The following TRPM3 variants were observed in gnomAD, a reference collection of about 807,000 sequenced individuals.
TRPM3 encodes long transient receptor potential channel 3.
Under a neutral mutation model 181.2 loss-of-function variants are expected in TRPM3, and 77 were observed. The ratio of observed to expected loss-of-function variants is 0.42; its 90% CI spans 0.35 to 0.51. TRPM3 has a LOEUF of 0.51. Among genes scored for constraint, TRPM3 ranks in the 20% least tolerant of loss-of-function variants. The probability of loss-of-function intolerance (pLI) is 0.01; values close to 1 mark genes in which losing one functional copy is unlikely to be tolerated. For synonymous variants in TRPM3, 745 were observed against 796.4 expected (o/e 0.94, Z 1.09); for missense variants, 1,759 against 2,196.7 (o/e 0.80, Z 3.98).
chr9:71,293,918 A>C (rs1156984485), intron 1 of TRPM3, among the ~76,000 whole-genome samples: 1 of 151,988 alleles, frequency 6.6e-6, no homozygotes. Flanking sequence ...GTGGTATTGC[A>C]TACCTGCGAG....
intron 1 of TRPM3, among the ~76,000 whole-genome samples, chr9:71,064,148 T>C (rs2061635285): frequency 6.6e-6 from 1 of 152,178 alleles, no homozygotes; most frequent in Admixed American, 6.6e-5. Context: ...CTAATTGTCA[T>C]AAAGTAATTC....
intron 1 of TRPM3, among the ~76,000 whole-genome samples, chr9:71,033,493 T>A (rs913185624): frequency 1.3e-5 from 2 of 152,184 alleles, no homozygotes; most frequent in African/African-American, 4.8e-5. Flanking sequence ...CTCAAAACAC[T>A]TCTAATAATA....
chr9:71,098,642 T>TA (rs1218842352), intron 1 of TRPM3, among the ~76,000 whole-genome samples: 2 of 152,194 alleles, frequency 1.3e-5, no homozygotes, highest in African/African-American at 2.4e-5. Flanking sequence ...GATGACCAGT[T>TA]ACATTCTTTT....
intron 9 of TRPM3, among the ~76,000 whole-genome samples, chr9:70,655,551 A>G (rs912313603): frequency 1.3e-5 from 2 of 152,042 alleles, no homozygotes; most frequent in African/African-American, 4.8e-5. Context: ...TATTTATCTC[A>G]TGGCTAAGTT....
In TRPM3 at chr9:70,536,958, TAC is replaced by T; in HGVS notation, c.4153_4154del (p.Val1385SerfsTer19). 1 of 1,614,120 alleles carries T rather than the reference TAC, an allele frequency of 6.2e-7. No individual in the cohort carries two copies. Among genetic ancestry groups the T allele is most frequent in the Non-Finnish European group, 8.5e-7 (1 of 1,179,950 alleles). ...CTGCAGGAGCTTTGGGTTCTTTTGC[TAC>T]AGAGTGGGAACTAGTAGCCCGGTGT... Reference protein sequence around the residue: ...SLHRATSSHSVAKEPKAPAAP... With the variant: ...SLHRATSSHSXAKEPKAPAAP... On this transcript the variant is annotated frameshift_variant, in exon 26 of 26. Coordinates refer to ENST00000677713, the MANE Select transcript of TRPM3 (RefSeq NM_001366145.2). LOFTEE classifies it high-confidence loss of function.
Position 70,846,402 on chromosome 9 carries a change from T to G in TRPM3, c.652A>C (p.Ile218Leu), listed in dbSNP as rs754875307. Residue 218 changes from isoleucine (I) to leucine (L), a missense_variant, in exon 4 of 26, where the codon ATA becomes CTA. By Grantham distance (5) the Ile-to-Leu change is conservative. Transcript: ENST00000677713. ...CCTGTGTTAACCCCTCCAGTGAATATCCACGCTCCAGTTGTCATTGCTGCT... is the reference window on the plus strand; with the variant it reads ...CCTGTGTTAACCCCTCCAGTGAATAGCCACGCTCCAGTTGTCATTGCTGCT... ...IKAAMTTGAW[I>L]FTGGVNTGVI... 6.2e-7 allele frequency: 1 copy of G among 1,614,018 alleles called. No individual in the cohort carries two copies. Among genetic ancestry groups the G allele is most frequent in the South Asian group, 1.1e-5 (1 of 91,090 alleles).
intron 21 of TRPM3, among the ~76,000 whole-genome samples, chr9:70,597,695 T>A (rs1161945089): frequency 6.6e-6 from 1 of 152,172 alleles, no homozygotes; most frequent in Non-Finnish European, 1.5e-5. Flanking sequence ...TATTAGCTTG[T>A]TACTTGGGAT....
intron 1 of TRPM3, among the ~76,000 whole-genome samples, chr9:71,383,765 G>T (rs772627642): frequency 1.3e-5 from 2 of 152,168 alleles, no homozygotes; most frequent in African/African-American, 4.8e-5. Flanking sequence ...GATTACACAA[G>T]CATCTGCCCA....
At chr9:71,028,999 T>G (rs2056948550) in intron 1 of TRPM3, among the ~76,000 whole-genome samples, 1 of 152,306 alleles carries the variant, frequency 6.6e-6, no homozygotes, top group Admixed American at 6.5e-5. Context: ...CCACATGGCA[T>G]GTATTCTAAA....
In TRPM3 at chr9:70,536,058, G is replaced by C; in HGVS notation, c.5055C>G (p.Phe1685Leu). ...CCGGCTTGGAGGACTTGCTTCTCTG[G>C]AAGGGATTTCGCAGGCTTGCTGTGT... The part of the protein sequence containing the change: ...QRNTASLRNP[F>L]QRSKSSKPEG... The change falls in exon 26 of 26, where the codon TTC becomes TTG. Residue 1685 changes from phenylalanine to leucine, a missense_variant. Around this residue, in one of 8 missense-constraint regions of TRPM3, gnomAD observed 612 missense variants for 590.0 expected, o/e 1.04. Transcript: ENST00000677713. The C allele has an allele frequency of 6.2e-7, 1 of 1,614,206 alleles. No individual in the cohort carries two copies.
intron 22 of TRPM3, among the ~76,000 whole-genome samples, chr9:70,588,332 C>T (rs962807181): frequency 1.3e-5 from 2 of 152,094 alleles, no homozygotes; most frequent in Non-Finnish European, 2.9e-5. Context: ...GCATCAAAGC[C>T]GCCCTCTCTT....
intron 1 of TRPM3, among the ~76,000 whole-genome samples, chr9:71,347,831 T>C (rs2091382922): frequency 6.6e-6 from 1 of 152,084 alleles, no homozygotes; most frequent in Non-Finnish European, 1.5e-5. Flanking sequence ...AACTTTTAAA[T>C]TAAAATTGCA....
At chr9:70,663,892 G>A (rs1160981970) in intron 9 of TRPM3, among the ~76,000 whole-genome samples, 1 of 152,176 alleles carries the variant, frequency 6.6e-6, no homozygotes, top group Non-Finnish European at 1.5e-5. Flanking sequence ...AAGAGAAAGA[G>A]CACTGATTTT....
At chr9:71,294,740 A>C (rs1207824308) in intron 1 of TRPM3, among the ~76,000 whole-genome samples, 1 of 152,182 alleles carries the variant, frequency 6.6e-6, no homozygotes, top group African/African-American at 2.4e-5. Flanking sequence ...GATATTCATC[A>C]ACAAGATGAC....
rs1459726819 is a variant in TRPM3, at chr9:70,598,511, A to T, written c.2956T>A (p.Cys986Ser). 1.2e-6 allele frequency: 2 copies of T among 1,614,234 alleles called. No homozygotes were observed. Among genetic ancestry groups the T allele is most frequent in the Non-Finnish European group, 1.7e-6 (2 of 1,180,044 alleles). ...ATATACCAGTAAATGATGTTCACGCAGTAGATGACCCTCCCGTCACTCCTG... is the reference window on the plus strand; with the variant it reads ...ATATACCAGTAAATGATGTTCACGCTGTAGATGACCCTCCCGTCACTCCTG... ...PFRSDGRVIY[C>S]VNIIYWYIRL... Residue 986 changes from cysteine to serine, a missense_variant, in exon 21 of 26, where the codon TGC becomes AGC. By Grantham distance (112) the Cys-to-Ser change is moderately radical. Transcript: ENST00000677713.
chr9:70,615,515 C>T (rs1204620608), intron 18 of TRPM3, among the ~76,000 whole-genome samples: 3 of 152,186 alleles, frequency 2.0e-5, no homozygotes, highest in Non-Finnish European at 2.9e-5. Flanking sequence ...GCTTCTGATC[C>T]GCAGAACAGT....
chr9:70,572,114 T>TTGTGTGTGTGTGTGTGTGTGTGTGTG (rs58492210), intron 22 of TRPM3, among the ~76,000 whole-genome samples: 42 of 149,962 alleles, frequency 2.8e-4, no homozygotes, highest in African/African-American at 7.8e-4. Flanking sequence ...TCCCAGTTAC[T>TTGTGTGTGTGTGTGTGTGTGTGTGTG]TGTGTGTGTG....
At chr9:71,383,226 ATG>A (rs1216903650) in intron 1 of TRPM3, among the ~76,000 whole-genome samples, 2 of 152,130 alleles carry the variant, frequency 1.3e-5, no homozygotes, top group African/African-American at 4.8e-5. Flanking sequence ...GTACATGTAT[ATG>A]TGTGTTTTTA....
chr9:71,338,764 C>T (rs773952308), intron 1 of TRPM3, among the ~76,000 whole-genome samples: 7 of 152,130 alleles, frequency 4.6e-5, no homozygotes, highest in Admixed American at 6.6e-5. Context: ...TGCAGACACA[C>T]ACCCCTCCCT....
Sources: allele counts gnomAD v4.1 joint callset (sites outside exome capture counted in the v4.1 genomes callset), GRCh38; gene constraint gnomAD v4.1.1; regional missense constraint gnomAD v4.1.1; transcripts MANE v1.5; gene names NCBI Gene and HGNC (gene_info 2026-07-23, HGNC 2026-07-21).